The following ADRA1D variants were observed in gnomAD, a reference collection of about 807,000 sequenced individuals.
ADRA1D encodes alpha-1D adrenergic receptor.
Under a neutral mutation model 18.6 loss-of-function variants are expected in ADRA1D, and 22 were observed. The observed-to-expected ratio is 1.19, with a 90% CI of 0.85 to 1.69. ADRA1D has a LOEUF of 1.69. Ranked by LOEUF, ADRA1D falls within the 40% of genes most tolerant of loss-of-function variation. The pLI, the probability that ADRA1D is intolerant of heterozygous loss-of-function variation, is 0.00. For missense variants in ADRA1D, 840 were observed against 840.7 expected (o/e 1.00, Z 0.01); for synonymous variants, 376 against 388.2 (o/e 0.97, Z 0.37).
chr20:4,221,729 T>C lies in ADRA1D; in HGVS notation c.1513A>G (p.Arg505Gly). The change falls in exon 2 of 2, where the codon AGA becomes GGA. Residue 505 changes from arginine (R) to glycine (G), a missense_variant. Transcript: ENST00000379453. ...REWRLLGPFR[R>G]PTTQLRAKVS... ...TTGGCGCGCAGCTGGGTCGTGGGTC[T>C]CCGGAACGGCCCCAGCAGCCTCCAC... 10 of 1,606,716 alleles carry C rather than the reference T, an allele frequency of 6.2e-6. No homozygotes were observed. The highest frequency in any genetic ancestry group is 1.1e-5 in the South Asian group (1 of 90,922).
At position 4,248,477 on chromosome 20, in the gene ADRA1D, A is replaced by G. The variant is rs758515766; in HGVS notation, c.481T>C (p.Phe161Leu). 6.2e-7 allele frequency: 1 copy of G among 1,613,504 alleles called. No individual in the cohort carries two copies. Among genetic ancestry groups the G allele is most frequent in the Non-Finnish European group, 8.5e-7 (1 of 1,179,806 alleles). ...PFSATMEVLGFWAFGRAFCDV... is the reference protein window; with the variant it reads ...PFSATMEVLGLWAFGRAFCDV... ...CAGAAGGCGCGGCCAAAGGCCCAGA[A>G]GCCCAGAACCTCCATGGTGGCCGAG... is the stretch of plus-strand genomic sequence containing the variant. The change falls in exon 1 of 2, where the codon TTC (phenylalanine) becomes CTC (leucine). Residue 161 changes from phenylalanine (F) to leucine (L), a missense_variant. Physicochemically the swap from Phe to Leu is conservative, Grantham distance 22 (BLOSUM62 0). Coordinates refer to ENST00000379453, the MANE Select transcript of ADRA1D (RefSeq NM_000678.4).
intron 1 of ADRA1D, among the ~76,000 whole-genome samples, chr20:4,231,066 C>CCTTTCTTTCTTTCTTTCTT (rs1980950936): frequency 1.0e-5 from 1 of 95,998 alleles, no homozygotes; most frequent in Non-Finnish European, 2.0e-5. Context: ...TTCTTTCTTT[C>CCTTTCTTTCTTTCTTTCTT]TCTCTCTCTC....
At chr20:4,245,155 G>C (rs1444899059) in intron 1 of ADRA1D, among the ~76,000 whole-genome samples, 1 of 152,222 alleles carries the variant, frequency 6.6e-6, no homozygotes, top group Non-Finnish European at 1.5e-5. Context: ...GTGTTGATTG[G>C]AACAAGGAAG....
intron 1 of ADRA1D, among the ~76,000 whole-genome samples, chr20:4,240,889 A>C (rs947599506): frequency 1.3e-5 from 2 of 152,222 alleles, no homozygotes; most frequent in African/African-American, 4.8e-5. Context: ...AAGCTGGGTC[A>C]CAGGTACACA....
rs1182221452 is a variant in ADRA1D, at chr20:4,221,873, G to T, written c.1369C>A (p.Pro457Thr). The T allele has an allele frequency of 2.0e-6, 3 of 1,465,872 alleles. No individual in the cohort carries two copies. The highest frequency in any genetic ancestry group is 3.0e-5 in the African/African-American group (2 of 67,646). The allele number at this position is 1,465,872 out of a possible 1,614,324, so 90.8% of individuals were successfully genotyped here. Residue 457 changes from proline to threonine, a missense_variant, in exon 2 of 2, where the codon CCC becomes ACC. Transcript: ENST00000379453. ...GTGAGGGCCAGCGGCGCTCCGGGGGGCGCGTCGCCCGAACTCGGGGCGCAG... is the reference window on the plus strand; with the variant it reads ...GTGAGGGCCAGCGGCGCTCCGGGGGTCGCGTCGCCCGAACTCGGGGCGCAG... ...QDCAPSSGDA[P>T]PGAPLALTAL...
Position 4,248,966 on chromosome 20 carries a change from G to T in ADRA1D, c.-9C>A. 7.4e-7 allele frequency: 1 copy of T among 1,348,084 alleles called. No homozygotes were observed. The highest frequency in any genetic ancestry group is 9.6e-7 in the Non-Finnish European group (1 of 1,038,610). 83.5% of individuals were successfully genotyped at this position (1,348,084 alleles called of 1,614,324 possible). A position where few individuals can be genotyped will look rare whatever the true frequency, so the allele number is the denominator to read the frequency against. ...AGATCGCGGAAAGTCATCTCAACGC[G>T]CGGCCGTCGGTGGCCGGGCCGGGGC... On this transcript the variant is annotated 5_prime_UTR_variant, in exon 1 of 2. Transcript: ENST00000379453.
intron 1 of ADRA1D, among the ~76,000 whole-genome samples, chr20:4,226,730 G>T (rs1321479958): frequency 6.6e-6 from 1 of 152,206 alleles, no homozygotes; most frequent in African/African-American, 2.4e-5. Context: ...GGAGATGGGT[G>T]GGGAACCAGT....
In ADRA1D at chr20:4,248,805, G is replaced by A. The variant is rs537077836; in HGVS notation, c.153C>T (p.Gly51=). The change falls in exon 1 of 2, where the codon GGC becomes GGT. Residue 51 remains glycine, a synonymous_variant. Transcript: ENST00000379453. ...PAVGGVPGGA[G]GGGGVVGAGS... ...CTGCGCCCACCACGCCGCCGCCGCC[G>A]CCCGCGCCCCCCGGCACGCCGCCCA... 95 of 1,126,482 alleles carry A rather than the reference G, an allele frequency of 8.4e-5. No individual in the cohort carries two copies. In the African/African-American group the frequency reaches 1.5e-3, roughly 18 times the overall value. 69.8% of individuals were successfully genotyped at this position (1,126,482 alleles called of 1,614,324 possible). A position where few individuals can be genotyped will look rare whatever the true frequency, so the allele number is the denominator to read the frequency against.
At position 4,221,624 on chromosome 20, in the gene ADRA1D, C is replaced by A. The variant is rs763939098; in HGVS notation, c.1618G>T (p.Glu540Ter). Residue 540 changes from glutamate (E) to a stop codon, truncating the protein, a stop_gained, in exon 2 of 2, where the codon GAG becomes TAG. Transcript: ENST00000379453. LOFTEE classifies it high-confidence loss of function. ...TGTGGGACGCCTAGGGACACAGCCTCCACCTCTGAGCGCTGGGCGCACGCT... is the reference window on the plus strand; with the variant it reads ...TGTGGGACGCCTAGGGACACAGCCTACACCTCTGAGCGCTGGGCGCACGCT... ...EAACAQRSEV[E>*]AVSLGVPHEV... The A allele has an allele frequency of 6.2e-7, 1 of 1,613,498 alleles. No individual in the cohort carries two copies. The highest frequency in any genetic ancestry group is 8.5e-7 in the Non-Finnish European group (1 of 1,179,846).
At chr20:4,242,859 T>C (rs1981248476) in intron 1 of ADRA1D, among the ~76,000 whole-genome samples, 1 of 130,032 alleles carries the variant, frequency 7.7e-6, no homozygotes, top group African/African-American at 2.8e-5. Flanking sequence ...GTGGGGCTGT[T>C]GTGTGTGTGT....
At chr20:4,232,879 C>A (rs1009177874) in intron 1 of ADRA1D, among the ~76,000 whole-genome samples, 2 of 152,208 alleles carry the variant, frequency 1.3e-5, no homozygotes, top group Non-Finnish European at 2.9e-5. Context: ...TCCAGTTCTG[C>A]CTTTCTTGCC....
chr20:4,245,950 C>T (rs1981327125), intron 1 of ADRA1D, among the ~76,000 whole-genome samples: 1 of 152,154 alleles, frequency 6.6e-6, no homozygotes, highest in African/African-American at 2.4e-5. Context: ...CATTCCTTAC[C>T]CTATATTGAG....
At chr20:4,229,985 C>A (rs1365640457) in intron 1 of ADRA1D, among the ~76,000 whole-genome samples, 2 of 152,174 alleles carry the variant, frequency 1.3e-5, no homozygotes, top group Non-Finnish European at 2.9e-5. Context: ...TCTGTTCCAG[C>A]CACATTGCCT....
chr20:4,221,912 C>T lies in ADRA1D; in HGVS notation c.1330G>A (p.Gly444Ser). ...YGHHWRASTS[G>S]LRQDCAPSSG... ...CTCGGGGCGCAGTCCTGGCGCAGGC[C>T]GCTGGTGGAGGCCCGCCAGTGGTGG... is the stretch of plus-strand genomic sequence containing the variant. Residue 444 changes from glycine (G) to serine (S), a missense_variant, in exon 2 of 2, where the codon GGC becomes AGC. Physicochemically the swap from Gly to Ser is moderately conservative, Grantham distance 56. Coordinates refer to ENST00000379453, the MANE Select transcript of ADRA1D (RefSeq NM_000678.4). 2 of 1,526,186 alleles carry T rather than the reference C, an allele frequency of 1.3e-6. No homozygotes were observed. Among genetic ancestry groups the T allele is most frequent in the East Asian group, 2.5e-5 (1 of 39,616 alleles). The allele number at this position is 1,526,186 out of a possible 1,614,324, so 94.5% of individuals were successfully genotyped here.
intron 1 of ADRA1D, among the ~76,000 whole-genome samples, chr20:4,226,901 AC>A (rs891936924): frequency 2.0e-5 from 3 of 152,258 alleles, no homozygotes; most frequent in African/African-American, 7.2e-5. Context: ...TGAATTTCAC[AC>A]CTGCCTCTGC....
chr20:4,245,888 G>A (rs1452183916), intron 1 of ADRA1D, among the ~76,000 whole-genome samples: 1 of 152,158 alleles, frequency 6.6e-6, no homozygotes, highest in African/African-American at 2.4e-5. Flanking sequence ...TCCGTTGCTT[G>A]CCCCATCCCT....
At chr20:4,233,046 C>T (rs957805009) in intron 1 of ADRA1D, among the ~76,000 whole-genome samples, 1 of 152,154 alleles carries the variant, frequency 6.6e-6, no homozygotes, top group African/African-American at 2.4e-5. Flanking sequence ...GCATGTCTGC[C>T]GTCCTAGCTA....
At chr20:4,245,458 C>A (rs558106978) in intron 1 of ADRA1D, among the ~76,000 whole-genome samples, 1 of 152,000 alleles carries the variant, frequency 6.6e-6, no homozygotes, top group East Asian at 1.9e-4. Flanking sequence ...GAGGAAGGGA[C>A]AGGAGGAGGG....
In ADRA1D at chr20:4,221,517, G is replaced by T; in HGVS notation, c.*6C>A. ...CAGCACACTCCGCGGCCTAGCTCTGGGGTCCTTAAATATCGGTCTCCCGTA... is the reference window on the plus strand; with the variant it reads ...CAGCACACTCCGCGGCCTAGCTCTGTGGTCCTTAAATATCGGTCTCCCGTA... On this transcript the variant is annotated 3_prime_UTR_variant, in exon 2 of 2. Coordinates refer to ENST00000379453, the MANE Select transcript of ADRA1D (RefSeq NM_000678.4). 1 of 1,599,570 alleles carries T rather than the reference G, an allele frequency of 6.3e-7. No homozygotes were observed. The highest frequency in any genetic ancestry group is 8.6e-7 in the Non-Finnish European group (1 of 1,168,834).
Sources: allele counts gnomAD v4.1 joint callset (sites outside exome capture counted in the v4.1 genomes callset), GRCh38; gene constraint gnomAD v4.1.1; transcripts MANE v1.5; gene names NCBI Gene and HGNC (gene_info 2026-07-23, HGNC 2026-07-21).